The following LRP1B variants were observed in gnomAD, a reference collection of about 807,000 sequenced individuals.
LRP1B encodes the protein low-density lipoprotein receptor-related protein 1B.
LRP1B carries 217 observed loss-of-function variants against 556.6 expected under a neutral mutation model. The ratio of observed to expected loss-of-function variants is 0.39; its 90% CI spans 0.35 to 0.44. The LOEUF (loss-of-function observed/expected upper bound fraction) is 0.44. LRP1B is among the 20% of genes least tolerant of loss of function. The pLI, the probability that LRP1B is intolerant of heterozygous loss-of-function variation, is 1.00. For synonymous variants in LRP1B, 2,047 were observed against 1,865.8 expected (o/e 1.10, Z -2.50); for missense variants, 5,053 against 5,620.8 (o/e 0.90, Z 3.23).
At chr2:140,312,218 C>T (rs1190123446) in intron 83 of LRP1B, among the ~76,000 whole-genome samples, 1 of 151,958 alleles carries the variant, frequency 6.6e-6, no homozygotes, top group Non-Finnish European at 1.5e-5. Context: ...CACTTCTTAA[C>T]CTAGCTAGCT....
intron 3 of LRP1B, among the ~76,000 whole-genome samples, chr2:141,453,934 A>G (rs951446056): frequency 6.6e-6 from 1 of 152,032 alleles, no homozygotes; most frequent in Non-Finnish European, 1.5e-5. Context: ...AAGAAAAAAA[A>G]AAGTTCTAGT....
chr2:140,984,362 T>C (rs1049830333), intron 17 of LRP1B, among the ~76,000 whole-genome samples: 3 of 152,036 alleles, frequency 2.0e-5, no homozygotes, highest in Non-Finnish European at 4.4e-5. Flanking sequence ...TTTAACTATT[T>C]CATTCCTTCA....
intron 2 of LRP1B, among the ~76,000 whole-genome samples, chr2:141,664,286 G>C (rs1397190810): frequency 6.6e-6 from 1 of 152,084 alleles, no homozygotes; most frequent in African/African-American, 2.4e-5. Flanking sequence ...CATTCCCCTT[G>C]AAAACCAGCA....
intron 1 of LRP1B, among the ~76,000 whole-genome samples, chr2:141,852,189 C>T (rs907520930): frequency 6.6e-6 from 1 of 151,684 alleles, no homozygotes; most frequent in Non-Finnish European, 1.5e-5. Context: ...TCTTTAAAAT[C>T]TAATGACACT....
chr2:141,714,409 C>CA (rs1553453012), intron 2 of LRP1B, among the ~76,000 whole-genome samples: 1 of 145,414 alleles, frequency 6.9e-6, no homozygotes. Flanking sequence ...TTGGTTTTCT[C>CA]AAAAAAAGTT....
intron 7 of LRP1B, among the ~76,000 whole-genome samples, chr2:141,089,333 T>C (rs935911599): frequency 6.6e-6 from 1 of 152,228 alleles, no homozygotes; most frequent in Non-Finnish European, 1.5e-5. Flanking sequence ...AAAATTTGTG[T>C]AATTGTTAGG....
chr2:141,554,391 T>C (rs1685885495), intron 2 of LRP1B, among the ~76,000 whole-genome samples: 1 of 150,014 alleles, frequency 6.7e-6, no homozygotes, highest in Non-Finnish European at 1.5e-5. Context: ...GGAATAGATA[T>C]ACATTATATA....
At chr2:140,466,850 CT>C (rs1211772645) in intron 60 of LRP1B, among the ~76,000 whole-genome samples, 1 of 152,122 alleles carries the variant, frequency 6.6e-6, no homozygotes, top group Non-Finnish European at 1.5e-5. Flanking sequence ...TATTTTCAGC[CT>C]TTTCTTTTCC....
rs545446511 is a variant in LRP1B, at chr2:141,157,232, C to T, written c.1013+31189G>A. On this transcript the variant is annotated intron_variant, in intron 7 of 90. Coordinates refer to ENST00000389484, the MANE Select transcript of LRP1B (RefSeq NM_018557.3). ...AAAAGTTTATGTGACTTTATAAATG[C>T]TTCCATATAAATCCATGTGATAGAT... Among the ~76,000 whole-genome samples, 8 of 152,074 alleles carry T rather than the reference C, an allele frequency of 5.3e-5. No individual in the cohort carries two copies. The East Asian group carries it at 1.5e-3, about 29-fold the overall frequency.
chr2:140,912,349 C>T (rs1694444084), intron 21 of LRP1B, among the ~76,000 whole-genome samples: 1 of 151,544 alleles, frequency 6.6e-6, no homozygotes, highest in Non-Finnish European at 1.5e-5. Context: ...CTTGAATGAA[C>T]AAATATCACA....
At chr2:140,803,883 CA>C (rs1054512625) in intron 32 of LRP1B, among the ~76,000 whole-genome samples, 22 of 136,630 alleles carry the variant, frequency 1.6e-4, no homozygotes, top group Non-Finnish European at 3.1e-5. Flanking sequence ...CCAACCCCCC[CA>C]AAAAAAAGAA....
At chr2:140,736,155 T>C (rs567132492) in intron 35 of LRP1B, among the ~76,000 whole-genome samples, 17 of 151,952 alleles carry the variant, frequency 1.1e-4, no homozygotes, top group African/African-American at 4.1e-4. Flanking sequence ...GGGAAGGAAG[T>C]AGAGATGCAG....
At chr2:142,082,900 A>C (rs1446657976) in intron 1 of LRP1B, among the ~76,000 whole-genome samples, 2 of 152,194 alleles carry the variant, frequency 1.3e-5, no homozygotes, top group Non-Finnish European at 2.9e-5. Context: ...TTTTGTGGCC[A>C]GGATGAGGAC....
At chr2:140,650,537 C>A (rs566185653) in intron 41 of LRP1B, among the ~76,000 whole-genome samples, 176 of 151,900 alleles carry the variant, frequency 1.2e-3, no homozygotes, top group Admixed American at 5.2e-3. Context: ...TTAGAAGAGA[C>A]GGTGTTTCAC....
intron 41 of LRP1B, among the ~76,000 whole-genome samples, chr2:140,693,112 TC>T (rs1424878700): frequency 2.0e-5 from 3 of 152,194 alleles, no homozygotes; most frequent in Admixed American, 1.3e-4. Flanking sequence ...CTCTGAGCCC[TC>T]TGTTCTTTTT....
At chr2:141,688,002 T>C (rs1574243274) in intron 2 of LRP1B, among the ~76,000 whole-genome samples, 2 of 125,838 alleles carry the variant, frequency 1.6e-5, no homozygotes, top group African/African-American at 3.5e-5. Flanking sequence ...TAATAAATTA[T>C]GATTTTTGAA....
At chr2:140,678,493 C>G (rs1239478996) in intron 41 of LRP1B, among the ~76,000 whole-genome samples, 2 of 152,114 alleles carry the variant, frequency 1.3e-5, no homozygotes, top group African/African-American at 4.8e-5. Flanking sequence ...AACATATTAG[C>G]ATTAAAGACT....
intron 20 of LRP1B, among the ~76,000 whole-genome samples, chr2:140,949,428 T>A (rs1379361249): frequency 6.6e-6 from 1 of 152,180 alleles, no homozygotes; most frequent in East Asian, 1.9e-4. Flanking sequence ...ATCATCCCCA[T>A]GGATATGTTG....
chr2:141,617,116 T>A (rs1688331765), intron 2 of LRP1B, among the ~76,000 whole-genome samples: 1 of 152,238 alleles, frequency 6.6e-6, no homozygotes, highest in African/African-American at 2.4e-5. Context: ...ATAAAATAGC[T>A]TACTGTATTT....
Sources: allele counts gnomAD v4.1 joint callset (sites outside exome capture counted in the v4.1 genomes callset), GRCh38; gene constraint gnomAD v4.1.1; transcripts MANE v1.5; gene names NCBI Gene and HGNC (gene_info 2026-07-23, HGNC 2026-07-21).